ST3GAL3: variants seen among roughly 807,000 people sequenced by gnomAD.
The protein encoded by ST3GAL3 is ST3 beta-galactoside alpha-2,3-sialyltransferase 3.
In ST3GAL3, 21 loss-of-function variants were observed where a neutral mutation model predicts 50.1. That is an observed-to-expected ratio of 0.42 (90% CI 0.30 to 0.60). ST3GAL3 has a LOEUF of 0.60. ST3GAL3 is among the 20% of genes least tolerant of loss of function. ST3GAL3 has a pLI of 0.19. For synonymous variants in ST3GAL3, 183 were observed against 190.0 expected, an observed-to-expected ratio of 0.96 and a Z score of 0.30; for missense variants, 353 against 489.4, an observed-to-expected ratio of 0.72 and a Z score of 2.63.
intron 9 of ST3GAL3, among the ~76,000 whole-genome samples, chr1:43,909,330 C>T (rs978390632): frequency 9.2e-5 from 14 of 152,214 alleles, no homozygotes; most frequent in Admixed American, 2.0e-4. Context: ...CTTCTTGCCT[C>T]TCCAGGGCAT....
intron 4 of ST3GAL3, among the ~76,000 whole-genome samples, chr1:43,837,748 A>C (rs2064618452): frequency 6.6e-6 from 1 of 152,256 alleles, no homozygotes; most frequent in African/African-American, 2.4e-5. Context: ...AGGCGAGAGG[A>C]TCGCTTGAAC....
chr1:43,919,397 A>T lies in ST3GAL3; in HGVS notation c.745-1007A>T, dbSNP rs536059157. On this transcript the variant is annotated intron_variant, in intron 9 of 11. Transcript: ENST00000347631. The stretch of plus-strand genomic sequence containing the variant: ...CCTGGCTGATTCTTTTAGGTTTTCT[A>T]TGCAAATAACAGTTCGGTTGGAGCC... 6 of 152,376 alleles carry T rather than the reference A, an allele frequency of 3.9e-5. 1 individual carries two copies. In the South Asian group the frequency reaches 1.2e-3, roughly 32 times the overall value. 9.4% of individuals were successfully genotyped at this position (152,376 alleles called of 1,614,324 possible).
At chr1:43,823,975 C>T (rs1367561438) in intron 4 of ST3GAL3, among the ~76,000 whole-genome samples, 3 of 152,202 alleles carry the variant, frequency 2.0e-5, no homozygotes, top group Non-Finnish European at 4.4e-5. Context: ...TCCAAATTCA[C>T]AGTCAGTTTT....
intron 3 of ST3GAL3, among the ~76,000 whole-genome samples, chr1:43,795,474 A>G (rs1274389555): frequency 6.6e-6 from 1 of 152,178 alleles, no homozygotes; most frequent in Admixed American, 6.5e-5. Context: ...AGAGGCCAAT[A>G]GTTTTGCTAT....
chr1:43,887,623 G>A (rs572768207), intron 5 of ST3GAL3, among the ~76,000 whole-genome samples: 1 of 152,326 alleles, frequency 6.6e-6, no homozygotes, highest in East Asian at 1.9e-4. Flanking sequence ...GGCCAGAGTT[G>A]TAGTAGGCAT....
chr1:43,859,580 A>G (rs140215579), intron 5 of ST3GAL3, among the ~76,000 whole-genome samples: 1 of 152,230 alleles, frequency 6.6e-6, no homozygotes, highest in Non-Finnish European at 1.5e-5. Flanking sequence ...AAAAAAAACC[A>G]GATGATTGGA....
chr1:43,768,704 C>A (rs2154130062), intron 2 of ST3GAL3, among the ~76,000 whole-genome samples: 1 of 152,306 alleles, frequency 6.6e-6, no homozygotes, highest in Non-Finnish European at 1.5e-5. Flanking sequence ...CTCAAGACAT[C>A]ATGGAAAACC....
chr1:43,851,434 G>T, intron 5 of ST3GAL3: 2 of 1,611,320 alleles, frequency 1.2e-6, no homozygotes, highest in East Asian at 2.2e-5. Flanking sequence ...TTATAGGCCT[G>T]CAGGGCTCGC....
intron 5 of ST3GAL3, 112 bp downstream of exon 5, chr1:43,838,423 G>T: frequency 9.6e-7 from 1 of 1,039,166 alleles, no homozygotes; most frequent in Non-Finnish European, 1.5e-6. Flanking sequence ...GAAACCATGG[G>T]TTCCTGGAAA....
chr1:43,844,304 A>G (rs1355674231), intron 5 of ST3GAL3, among the ~76,000 whole-genome samples: 1 of 152,196 alleles, frequency 6.6e-6, no homozygotes, highest in African/African-American at 2.4e-5. Flanking sequence ...GGTGAGACTG[A>G]AAGTTCCAGC....
intron 3 of ST3GAL3, among the ~76,000 whole-genome samples, chr1:43,804,696 C>T (rs909538280): frequency 2.6e-5 from 4 of 152,134 alleles, no homozygotes; most frequent in South Asian, 2.1e-4. Flanking sequence ...CAGTTAGTTG[C>T]GCCTAAGAAG....
chr1:43,798,421 A>G (rs1271163457), intron 3 of ST3GAL3, among the ~76,000 whole-genome samples: 2 of 151,910 alleles, frequency 1.3e-5, no homozygotes, highest in South Asian at 4.1e-4. Context: ...GTCCTACTTA[A>G]CCTCTCCAAT....
chr1:43,898,614 G>T (rs2077744765), intron 7 of ST3GAL3, among the ~76,000 whole-genome samples: 1 of 152,140 alleles, frequency 6.6e-6, no homozygotes, highest in South Asian at 2.1e-4. Flanking sequence ...GCAGGTGAAG[G>T]GGGCAAGGCT....
intron 11 of ST3GAL3, chr1:43,922,614 A>C (rs969254916): frequency 6.6e-6 from 1 of 150,444 alleles, no homozygotes; most frequent in Non-Finnish European, 1.5e-5. Context: ...CAGCCTGGCC[A>C]ATAGGTGAAG....
chr1:43,923,365 TC>T (rs2083386913), intron 11 of ST3GAL3, among the ~76,000 whole-genome samples: 2 of 152,152 alleles, frequency 1.3e-5, no homozygotes, highest in African/African-American at 4.8e-5. Context: ...GTCCATGACT[TC>T]AGGTACCACC....
chr1:43,902,090 A>G (rs1261875864), intron 9 of ST3GAL3, among the ~76,000 whole-genome samples: 1 of 152,094 alleles, frequency 6.6e-6, no homozygotes, highest in African/African-American at 2.4e-5. Context: ...GGCATCTGAG[A>G]CCCAGGAAAA....
At chr1:43,898,337 C>T in intron 7 of ST3GAL3, 39 bp downstream of exon 7, 1 of 1,605,872 alleles carries the variant, frequency 6.2e-7, no homozygotes. Flanking sequence ...CCACCGCTGC[C>T]TGGTGGTGTG....
chr1:43,817,561 CT>C (rs1451701950), intron 4 of ST3GAL3, among the ~76,000 whole-genome samples: 2 of 48,996 alleles, frequency 4.1e-5, no homozygotes, highest in African/African-American at 1.0e-4. Flanking sequence ...TCTTCTCCTT[CT>C]TCCTTCTTCT....
At chr1:43,843,318 G>T (rs1053660223) in intron 5 of ST3GAL3, among the ~76,000 whole-genome samples, 31 of 152,122 alleles carry the variant, frequency 2.0e-4, no homozygotes, top group Admixed American at 7.9e-4. Flanking sequence ...TGCTTTTTCT[G>T]CATATTTTGA....
Sources: allele counts gnomAD v4.1 joint callset (sites outside exome capture counted in the v4.1 genomes callset), GRCh38; gene constraint gnomAD v4.1.1; transcripts MANE v1.5; gene names NCBI Gene and HGNC (gene_info 2026-07-23, HGNC 2026-07-21).